The following SEZ6L variants were observed in gnomAD, a reference collection of about 807,000 sequenced individuals.
The protein encoded by SEZ6L is seizure related 6 homolog like, also known as seizure 6-like protein.
Under a neutral mutation model 106.2 loss-of-function variants are expected in SEZ6L, and 37 were observed. The observed-to-expected ratio is 0.35, with a 90% CI of 0.27 to 0.46. The LOEUF (loss-of-function observed/expected upper bound fraction) is 0.46. Ranked by LOEUF, SEZ6L falls within the 20% of genes least tolerant of loss-of-function variation. The pLI is 1.00. For missense variants in SEZ6L, 1,172 were observed against 1,332.8 expected (o/e 0.88, Z 1.88); for synonymous variants, 541 against 570.4 (o/e 0.95, Z 0.73).
At chr22:26,373,849 C>T (rs1272376997) in intron 14 of SEZ6L, among the ~76,000 whole-genome samples, 1 of 152,132 alleles carries the variant, frequency 6.6e-6, no homozygotes, top group Non-Finnish European at 1.5e-5. Flanking sequence ...GCTGAGAGTC[C>T]TCCTGGTTTC....
At chr22:26,348,686 GAAAGAAAGAAAGAAA>G (rs2083140298) in intron 11 of SEZ6L, among the ~76,000 whole-genome samples, 1 of 85,912 alleles carries the variant, frequency 1.2e-5, no homozygotes, top group East Asian at 3.2e-4. Context: ...AAGAAAGAAA[GAAAGAAAGAAAGAAA>G]GAAGGCAAGG....
chr22:26,280,496 T>C (rs1436451676), intron 1 of SEZ6L, among the ~76,000 whole-genome samples: 1 of 152,224 alleles, frequency 6.6e-6, no homozygotes, highest in Non-Finnish European at 1.5e-5. Context: ...TAGCATACTC[T>C]GCACATCATT....
chr22:26,294,255 T>C, intron 2 of SEZ6L, 37 bp from the exon 3 acceptor site: 1 of 1,609,448 alleles, frequency 6.2e-7, no homozygotes, highest in East Asian at 2.2e-5. Flanking sequence ...TACATCCAAG[T>C]TGTCTTTGGT....
intron 8 of SEZ6L, 130 bp downstream of exon 8, chr22:26,312,092 A>G: frequency 1.1e-6 from 1 of 895,518 alleles, no homozygotes; most frequent in Non-Finnish European, 1.7e-6. Context: ...AACCCTTTCC[A>G]GGGTTCACTG....
At chr22:26,377,810 T>TC (rs2084280109) in intron 16 of SEZ6L, 35 bp downstream of exon 16, 1 of 1,432,564 alleles carries the variant, frequency 7.0e-7, no homozygotes. Context: ...CCCAATTCCC[T>TC]CCCTCTTTGC....
intron 1 of SEZ6L, among the ~76,000 whole-genome samples, chr22:26,251,319 TATTCCTA>T (rs2079571169): frequency 1.4e-5 from 2 of 140,732 alleles, no homozygotes; most frequent in Non-Finnish European, 3.0e-5. Flanking sequence ...ATTCTCCTTT[TATTCCTA>T]ATTTGTTGAA....
At chr22:26,298,235 C>T (rs1697871877) in intron 4 of SEZ6L, among the ~76,000 whole-genome samples, 1 of 152,166 alleles carries the variant, frequency 6.6e-6, no homozygotes, top group Admixed American at 6.5e-5. Flanking sequence ...TGTATTCCTC[C>T]TCATCAGTAC....
At chr22:26,277,418 C>G (rs1335112158) in intron 1 of SEZ6L, among the ~76,000 whole-genome samples, 1 of 152,218 alleles carries the variant, frequency 6.6e-6, no homozygotes, top group African/African-American at 2.4e-5. Context: ...GCAAAAATCC[C>G]TGCTCCATCT....
At chr22:26,192,827 AC>A (rs1276560723) in intron 1 of SEZ6L, among the ~76,000 whole-genome samples, 4 of 152,324 alleles carry the variant, frequency 2.6e-5, no homozygotes, top group Middle Eastern at 3.4e-3. Context: ...TATCTGGTCA[AC>A]CCAAGATAAT....
chr22:26,244,979 T>C (rs141319579), intron 1 of SEZ6L, among the ~76,000 whole-genome samples: 43 of 152,272 alleles, frequency 2.8e-4, no homozygotes, highest in African/African-American at 9.9e-4. Context: ...AATGACATGA[T>C]CTGAACTGGA....
At chr22:26,365,726 TAGTC>T (rs2083786912) in intron 13 of SEZ6L, among the ~76,000 whole-genome samples, 160 bp downstream of exon 13, 3 of 150,890 alleles carry the variant, frequency 2.0e-5, no homozygotes, top group South Asian at 2.1e-4. Flanking sequence ...AAAAAAAAAT[TAGTC>T]AGGCATGGCG....
intron 6 of SEZ6L, among the ~76,000 whole-genome samples, chr22:26,309,698 C>T (rs1001213574): frequency 1.3e-5 from 2 of 152,142 alleles, no homozygotes; most frequent in African/African-American, 4.8e-5. Flanking sequence ...CCTGCCTCAG[C>T]CTCCAGAGTA....
At chr22:26,331,170 A>G (rs2082469351) in intron 9 of SEZ6L, among the ~76,000 whole-genome samples, 1 of 152,182 alleles carries the variant, frequency 6.6e-6, no homozygotes, top group Non-Finnish European at 1.5e-5. Flanking sequence ...AGCCCATTCC[A>G]TGCTTAGGCA....
intron 1 of SEZ6L, among the ~76,000 whole-genome samples, chr22:26,291,982 A>G (rs971703208): frequency 6.4e-5 from 2 of 31,438 alleles, no homozygotes. Flanking sequence ...AGGAAAAGGA[A>G]GGAAGGAAGG....
chr22:26,344,502 A>C (rs2082944978), intron 10 of SEZ6L, among the ~76,000 whole-genome samples: 1 of 152,222 alleles, frequency 6.6e-6, no homozygotes, highest in African/African-American at 2.4e-5. Context: ...GAGGACTGGG[A>C]GGTTTCCTCT....
rs116890154 is a variant in SEZ6L at position 26,364,746 on chromosome 22, A to G, written c.2600-626A>G. On this transcript the variant is annotated intron_variant, in intron 12 of 16. Transcript: ENST00000248933. ...GGGAAACAGATAACTAATTCAGTAC[A>G]GTACAGTGCATGCAGTGCTGGAGAA... 5.7e-3 allele frequency: 872 copies of G among 152,738 alleles called. 2 individuals are homozygous for G. Among genetic ancestry groups the G allele is most frequent in the Non-Finnish European group, 9.6e-3 (656 of 68,330 alleles). The allele number at this position is 152,738 out of a possible 1,614,324, so 9.5% of individuals were successfully genotyped here. A position where few individuals can be genotyped will look rare whatever the true frequency, so the allele number is the denominator to read the frequency against.
intron 1 of SEZ6L, among the ~76,000 whole-genome samples, chr22:26,221,739 T>TGCGC (rs1303562654): frequency 4.7e-4 from 50 of 107,378 alleles, no homozygotes; most frequent in Non-Finnish European, 7.6e-4. Context: ...TGCACACGCG[T>TGCGC]GCACACACAC....
At chr22:26,266,007 T>C (rs137178) in intron 1 of SEZ6L, among the ~76,000 whole-genome samples, 114,785 of 152,168 alleles carry the variant, frequency 0.75, 43,956 homozygotes, top group African/African-American at 0.88. Flanking sequence ...CTCCACCTGA[T>C]CACTGCCTCG....
chr22:26,292,818 C>A lies in SEZ6L; in HGVS notation c.507C>A (p.Asp169Glu), dbSNP rs752344957. ...SSTEKPGPPG[D>E]PDPIVASEEA... The stretch of plus-strand genomic sequence containing the variant: ...CGGAGAAGCCTGGCCCACCGGGGGA[C>A]CCGGACCCCATCGTGGCCTCCGAGG... The change falls in exon 2 of 17, where the codon GAC becomes GAA. Residue 169 changes from aspartate (D) to glutamate (E), a missense_variant. Asp to Glu is a conservative substitution (Grantham distance 45, BLOSUM62 2). Coordinates refer to ENST00000248933, the MANE Select transcript of SEZ6L (RefSeq NM_021115.5). 6.2e-7 allele frequency: 1 copy of A among 1,613,986 alleles called. No individual in the cohort carries two copies. The highest frequency in any genetic ancestry group is 1.1e-5 in the South Asian group (1 of 91,052).
Sources: gnomAD v4.1 joint callset for allele counts (sites outside exome capture counted in the v4.1 genomes callset) on GRCh38, gnomAD v4.1.1 for gene constraint, MANE v1.5 for transcripts, NCBI Gene and HGNC (gene_info 2026-07-23, HGNC 2026-07-21) for gene names.